The following MCC variants were observed in gnomAD, a reference collection of about 807,000 sequenced individuals.
MCC encodes the protein MCC regulator of Wnt signaling pathway.
A neutral mutation model predicts 116.2 loss-of-function variants in MCC; 90 were observed. The ratio of observed to expected loss-of-function variants is 0.77; its 90% CI spans 0.65 to 0.92. MCC has a LOEUF of 0.92. Among genes scored for constraint, MCC ranks in the 40% least tolerant of loss-of-function variants. The pLI, the probability that MCC is intolerant of heterozygous loss-of-function variation, is 0.00. For missense variants in MCC, 1,516 were observed against 1,312.2 expected (o/e 1.16, Z -2.40); for synonymous variants, 578 against 510.5 (o/e 1.13, Z -1.78).
chr5:113,327,085 G>A (rs768672196), intron 3 of MCC, among the ~76,000 whole-genome samples: 1 of 152,170 alleles, frequency 6.6e-6, no homozygotes, highest in African/African-American at 2.4e-5. Flanking sequence ...GCAGACAAGA[G>A]TAAGTAAGCA....
chr5:113,276,640 T>C (rs1211453419), intron 3 of MCC, among the ~76,000 whole-genome samples: 1 of 152,138 alleles, frequency 6.6e-6, no homozygotes, highest in East Asian at 1.9e-4. Context: ...AGTTGTTTGT[T>C]TTTTGAGACA....
chr5:113,211,898 T>G (rs1436806603), intron 3 of MCC, among the ~76,000 whole-genome samples: 1 of 152,232 alleles, frequency 6.6e-6, no homozygotes, highest in African/African-American at 2.4e-5. Context: ...GTGTGACACA[T>G]GCCTAATAGC....
Position 113,049,173 on chromosome 5 carries a change from A to C in MCC, c.2575T>G (p.Ser859Ala). The C allele has an allele frequency of 6.2e-7, 1 of 1,614,144 alleles. No homozygotes were observed. The highest frequency in any genetic ancestry group is 1.1e-5 in the South Asian group (1 of 91,080). Residue 859 changes from serine to alanine, a missense_variant, in exon 16 of 19, where the codon TCC becomes GCC. Physicochemically the swap from Ser to Ala is moderately conservative, Grantham distance 99 (BLOSUM62 1). Transcript: ENST00000408903. ...AYLVHIEHLK[S>A]EVEEQKEQRM... The stretch of plus-strand genomic sequence containing the variant: ...TGCTCCTTCTGCTCCTCCACCTCGG[A>C]CTTCAGGTGCTCAATGTGCACCAGG...
chr5:113,421,174 G>A (rs143621799), intron 1 of MCC, among the ~76,000 whole-genome samples: 4,905 of 151,922 alleles, frequency 0.032, 109 homozygotes, highest in East Asian at 0.077. Flanking sequence ...ACAGGCACGC[G>A]CCACCATGCC....
intron 1 of MCC, among the ~76,000 whole-genome samples, chr5:113,453,437 C>T (rs1044912582): frequency 6.6e-6 from 1 of 152,164 alleles, no homozygotes; most frequent in African/African-American, 2.4e-5. Context: ...CAGAGCCCTC[C>T]TGGAGTGTCA....
rs78053618 is a variant in MCC, at chr5:113,410,148, T to G, written c.171-24936A>C. ...TGAACATACTGTTTTATAACTAGTG[T>G]ACTCCATGTAGCAAAAAATCATAAA... On this transcript the variant is annotated intron_variant, in intron 1 of 18. Transcript: ENST00000408903. Among the ~76,000 whole-genome samples, 15 of 152,306 alleles carry G rather than the reference T, an allele frequency of 9.8e-5. No individual in the cohort carries two copies. In the East Asian group the frequency reaches 2.9e-3, roughly 29 times the overall value.
intron 1 of MCC, chr5:113,433,901 C>G: frequency 6.2e-7 from 1 of 1,614,010 alleles, no homozygotes; most frequent in East Asian, 2.2e-5. Flanking sequence ...CTCCCTCAGG[C>G]TCCAGCTTGG....
chr5:113,172,333 T>C lies in MCC; in HGVS notation c.628-20911A>G, dbSNP rs1488245864. 2.6e-5 allele frequency among the ~76,000 whole-genome samples: 4 copies of C among 152,186 alleles called. No homozygotes were observed. In the South Asian group the frequency reaches 6.2e-4, roughly 24 times the overall value. Reference sequence around the variant, plus strand: ...GTTATTTAACAGCCTAGGCAAAATTTTGGAGGTTAGAACAACTATTCAGCT... The same window carrying C: ...GTTATTTAACAGCCTAGGCAAAATTCTGGAGGTTAGAACAACTATTCAGCT... On this transcript the variant is annotated intron_variant, in intron 3 of 18. Transcript: ENST00000408903.
chr5:113,172,268 C>CA (rs1266845446), intron 3 of MCC, among the ~76,000 whole-genome samples: 1 of 151,964 alleles, frequency 6.6e-6, no homozygotes, highest in African/African-American at 2.4e-5. Flanking sequence ...CAAAACAACT[C>CA]AAAAAAGGGT....
chr5:113,294,504 T>C, intron 3 of MCC: 1 of 1,555,618 alleles, frequency 6.4e-7, no homozygotes, highest in East Asian at 2.3e-5. Context: ...TAGACAGCCA[T>C]TTTCACCCAG....
At chr5:113,118,373 T>C (rs560330881) in intron 6 of MCC, among the ~76,000 whole-genome samples, 2 of 152,290 alleles carry the variant, frequency 1.3e-5, no homozygotes, top group Middle Eastern at 3.4e-3. Flanking sequence ...AAAAAAAACA[T>C]GCAGTGTGAC....
At chr5:113,294,069 C>T (rs1346118222) in intron 3 of MCC, among the ~76,000 whole-genome samples, 2 of 152,166 alleles carry the variant, frequency 1.3e-5, no homozygotes, top group Non-Finnish European at 1.5e-5. Context: ...GAGTAAAACG[C>T]CTCGCGGCTT....
intron 14 of MCC, among the ~76,000 whole-genome samples, chr5:113,059,962 C>T (rs1369526343): frequency 6.6e-6 from 1 of 152,204 alleles, no homozygotes; most frequent in East Asian, 1.9e-4. Flanking sequence ...TCAAGACAGT[C>T]CCCCAGCCTG....
chr5:113,373,695 ATGGG>A (rs1768898794), intron 2 of MCC, among the ~76,000 whole-genome samples: 1 of 152,162 alleles, frequency 6.6e-6, no homozygotes, highest in Non-Finnish European at 1.5e-5. Flanking sequence ...CATATTTTCC[ATGGG>A]TTGGAAAAAA....
At chr5:113,090,187 T>C (rs951682926) in intron 8 of MCC, among the ~76,000 whole-genome samples, 1 of 151,764 alleles carries the variant, frequency 6.6e-6, no homozygotes, top group Admixed American at 6.6e-5. Flanking sequence ...GACACCTTTT[T>C]CTCGGGGAGA....
chr5:113,116,754 A>AG (rs1757420271), intron 6 of MCC, among the ~76,000 whole-genome samples: 1 of 152,322 alleles, frequency 6.6e-6, no homozygotes, highest in South Asian at 2.1e-4. Context: ...GAATGACTTC[A>AG]GGGGGTTCTC....
At chr5:113,380,649 A>G (rs1447210428) in intron 2 of MCC, among the ~76,000 whole-genome samples, 1 of 152,254 alleles carries the variant, frequency 6.6e-6, no homozygotes, top group Non-Finnish European at 1.5e-5. Context: ...GGGGAAAGAT[A>G]GATAAGTAAA....
chr5:113,450,798 T>C (rs1457646911), intron 1 of MCC, among the ~76,000 whole-genome samples: 11 of 152,208 alleles, frequency 7.2e-5, no homozygotes, highest in Admixed American at 7.2e-4. Flanking sequence ...ATCAGCATCT[T>C]CAGTAAGGTC....
chr5:113,074,548 A>G (rs1754281207), intron 11 of MCC, among the ~76,000 whole-genome samples: 1 of 145,314 alleles, frequency 6.9e-6, no homozygotes, highest in East Asian at 2.1e-4. Flanking sequence ...TGATGAGTTG[A>G]TAGAAGAAGG....
Sources: gnomAD v4.1 joint callset for allele counts (sites outside exome capture counted in the v4.1 genomes callset) on GRCh38, gnomAD v4.1.1 for gene constraint, MANE v1.5 for transcripts, NCBI Gene and HGNC (gene_info 2026-07-23, HGNC 2026-07-21) for gene names.